The following NCKAP5 variants were observed in gnomAD, a reference collection of about 807,000 sequenced individuals.
NCKAP5 encodes the protein NCK associated protein 5.
Under a neutral mutation model 167.0 loss-of-function variants are expected in NCKAP5, and 92 were observed. The ratio of observed to expected loss-of-function variants is 0.55; its 90% CI spans 0.47 to 0.66. The LOEUF is 0.66. Ranked by LOEUF, NCKAP5 falls within the 30% of genes least tolerant of loss-of-function variation. NCKAP5 has a pLI of 0.00. For synonymous variants in NCKAP5, 891 were observed against 877.4 expected, an observed-to-expected ratio of 1.02 and a Z score of -0.27; for missense variants, 2,378 against 2,315.0, an observed-to-expected ratio of 1.03 and a Z score of -0.56.
At chr2:133,152,875 ATAT>A (rs1379210786) in intron 5 of NCKAP5, among the ~76,000 whole-genome samples, 3 of 152,188 alleles carry the variant, frequency 2.0e-5, no homozygotes, top group Non-Finnish European at 4.4e-5. Flanking sequence ...CAGTACAGTA[ATAT>A]GCTATACAGG....
rs1474273912 is a variant in NCKAP5, at chr2:132,783,090, C to A, written c.3721G>T (p.Asp1241Tyr). ...CTATTATCTACCCCATCCCTTCCATCACTCCCAGGGATGCTACTTTCCAAT... is the reference window on the plus strand; with the variant it reads ...CTATTATCTACCCCATCCCTTCCATAACTCCCAGGGATGCTACTTTCCAAT... ...EPLESSIPGS[D>Y]GRDGVDNRSM... Residue 1241 changes from aspartate to tyrosine, a missense_variant, in exon 14 of 20, where the codon GAT (aspartate) becomes TAT (tyrosine). Transcript: ENST00000409261. 6.2e-7 allele frequency: 1 copy of A among 1,613,788 alleles called. No homozygotes were observed. The highest frequency in any genetic ancestry group is 1.7e-5 in the Admixed American group (1 of 59,984).
At chr2:133,138,707 T>C (rs967496421) in intron 5 of NCKAP5, among the ~76,000 whole-genome samples, 3 of 152,196 alleles carry the variant, frequency 2.0e-5, no homozygotes, top group Non-Finnish European at 4.4e-5. Context: ...GGCCTCCATT[T>C]TAAATATAAG....
chr2:133,485,136 C>A (rs910118592), intron 3 of NCKAP5, among the ~76,000 whole-genome samples: 2 of 151,996 alleles, frequency 1.3e-5, no homozygotes, highest in South Asian at 2.1e-4. Flanking sequence ...GGGAATGAGA[C>A]AAATATGTCC....
chr2:132,754,082 G>T (rs944726621), intron 16 of NCKAP5, among the ~76,000 whole-genome samples: 3 of 152,250 alleles, frequency 2.0e-5, no homozygotes, highest in Non-Finnish European at 2.9e-5. Flanking sequence ...AGTTAAACAG[G>T]GCTTTGTGAC....
At chr2:132,823,409 A>G (rs1390800299) in intron 11 of NCKAP5, among the ~76,000 whole-genome samples, 1 of 152,238 alleles carries the variant, frequency 6.6e-6, no homozygotes, top group Non-Finnish European at 1.5e-5. Flanking sequence ...GCCTCCTGAA[A>G]CAAAATAATT....
At chr2:132,827,549 C>G (rs1164706085) in intron 11 of NCKAP5, among the ~76,000 whole-genome samples, 1 of 152,132 alleles carries the variant, frequency 6.6e-6, no homozygotes, top group Non-Finnish European at 1.5e-5. Flanking sequence ...CTTTAATCCT[C>G]GCAACTTCCC....
intron 15 of NCKAP5, among the ~76,000 whole-genome samples, chr2:132,776,242 A>G (rs1275921656): frequency 1.3e-5 from 2 of 152,178 alleles, no homozygotes; most frequent in Non-Finnish European, 2.9e-5. Context: ...CATAAACTAT[A>G]TTTTAAGAGT....
intron 6 of NCKAP5, among the ~76,000 whole-genome samples, chr2:133,023,844 C>T (rs1409739941): frequency 6.6e-6 from 1 of 152,036 alleles, no homozygotes; most frequent in Non-Finnish European, 1.5e-5. Flanking sequence ...AAATTAAATC[C>T]ACCATTGATG....
chr2:133,469,730 A>G (rs984648817), intron 3 of NCKAP5, among the ~76,000 whole-genome samples: 5 of 151,438 alleles, frequency 3.3e-5, no homozygotes, highest in African/African-American at 9.7e-5. Context: ...TTTTTTCTCT[A>G]AACTTCCCTT....
intron 6 of NCKAP5, among the ~76,000 whole-genome samples, chr2:133,067,659 G>A (rs1282854271): frequency 6.6e-6 from 1 of 152,206 alleles, no homozygotes; most frequent in Non-Finnish European, 1.5e-5. Context: ...GGAATGTAGG[G>A]AAAAGTTTTA....
At chr2:133,198,417 G>T (rs970110169) in intron 5 of NCKAP5, among the ~76,000 whole-genome samples, 3 of 152,020 alleles carry the variant, frequency 2.0e-5, no homozygotes, top group African/African-American at 7.2e-5. Flanking sequence ...AAGAAACTGG[G>T]GAAGAATAAC....
the NCKAP5 span, among the ~76,000 whole-genome samples, chr2:133,610,949 T>C: frequency 6.6e-6 from 1 of 152,198 alleles, no homozygotes; most frequent in East Asian, 1.9e-4. Flanking sequence ...CCAGAGGAGA[T>C]CATGTGATTA....
At chr2:133,111,371 G>T (rs895875971) in intron 6 of NCKAP5, among the ~76,000 whole-genome samples, 2 of 152,162 alleles carry the variant, frequency 1.3e-5, no homozygotes, top group African/African-American at 4.8e-5. Context: ...CTATAACTGT[G>T]CATCTCAATG....
intron 4 of NCKAP5, among the ~76,000 whole-genome samples, chr2:133,231,467 C>A (rs111946897): frequency 7.6e-4 from 115 of 152,274 alleles, no homozygotes; most frequent in African/African-American, 2.7e-3. Context: ...AGTTTAACTA[C>A]GCTCATGTGT....
intron 6 of NCKAP5, among the ~76,000 whole-genome samples, chr2:133,060,618 A>G (rs1434594505): frequency 6.6e-6 from 1 of 152,296 alleles, no homozygotes; most frequent in East Asian, 1.9e-4. Flanking sequence ...AAATGCCATC[A>G]AGAATCTGAA....
At chr2:132,819,701 T>C (rs1574323574) in intron 11 of NCKAP5, among the ~76,000 whole-genome samples, 1 of 152,106 alleles carries the variant, frequency 6.6e-6, no homozygotes, top group African/African-American at 2.4e-5. Context: ...TCACTTAATC[T>C]GTTAAAAATT....
intron 19 of NCKAP5, among the ~76,000 whole-genome samples, chr2:132,682,837 T>C (rs1333017721): frequency 6.6e-6 from 1 of 152,140 alleles, no homozygotes; most frequent in Non-Finnish European, 1.5e-5. Context: ...TTTCTGAGTC[T>C]GGTGACTTTC....
the NCKAP5 span, among the ~76,000 whole-genome samples, chr2:133,581,208 C>T: frequency 6.6e-6 from 1 of 152,140 alleles, no homozygotes; most frequent in Non-Finnish European, 1.5e-5. Flanking sequence ...TAAAAGTAAA[C>T]TTGGGAAGGA....
chr2:132,781,305 A>G (rs1683012052), intron 14 of NCKAP5, 76 bp from the exon 15 acceptor site: 1 of 1,411,494 alleles, frequency 7.1e-7, no homozygotes, highest in East Asian at 2.4e-5. Flanking sequence ...CAATCTTTTT[A>G]ATATTTAAAG....
Sources: allele counts gnomAD v4.1 joint callset (sites outside exome capture counted in the v4.1 genomes callset), GRCh38; gene constraint gnomAD v4.1.1; transcripts MANE v1.5; gene names NCBI Gene and HGNC (gene_info 2026-07-23, HGNC 2026-07-21).